The following SPTB variants were observed in gnomAD, a reference collection of about 807,000 sequenced individuals.
SPTB encodes spectrin beta, erythrocytic, also known as spectrin beta chain, erythrocytic.
SPTB carries 45 observed loss-of-function variants against 256.2 expected under a neutral mutation model. That is an observed-to-expected ratio of 0.18 (90% CI 0.14 to 0.23). SPTB has a LOEUF of 0.23. Among genes scored for constraint, SPTB ranks in the 10% least tolerant of loss-of-function variants. SPTB has a pLI of 1.00. For synonymous variants in SPTB, 1,231 were observed against 1,243.1 expected (o/e 0.99, Z 0.21); for missense variants, 2,715 against 3,040.4 (o/e 0.89, Z 2.52).
chr14:64,754,189 A>G lies in SPTB; in HGVS notation c.6346-396T>C, dbSNP rs147467878. On this transcript the variant is annotated intron_variant, in intron 32 of 35. Coordinates refer to ENST00000644917, the MANE Select transcript of SPTB (RefSeq NM_001355436.2). ...GCCCCTCCCCTTGCTGCAGCCAGAC[A>G]CTCGTATGAGGAAAGTTCTGCTGCT... The G allele has an allele frequency of 3.8e-3, 1,340 of 352,436 alleles. 15 individuals carry two copies. The highest frequency in any genetic ancestry group is 0.026 in the African/African-American group (1,227 of 47,810). The allele number at this position is 352,436 out of a possible 1,614,324, so 21.8% of individuals were successfully genotyped here.
intron 1 of SPTB, among the ~76,000 whole-genome samples, chr14:64,863,187 C>T (rs1012511874): frequency 6.6e-6 from 1 of 152,176 alleles, no homozygotes; most frequent in South Asian, 2.1e-4. Context: ...CTGGTCAAAA[C>T]CAATCTTGGC....
chr14:64,776,561 C>G (rs146581090), intron 22 of SPTB, among the ~76,000 whole-genome samples: 18 of 152,154 alleles, frequency 1.2e-4, no homozygotes, highest in Non-Finnish European at 2.5e-4. Flanking sequence ...CCACCTCAGC[C>G]TCCCAAGTAG....
intron 3 of SPTB, among the ~76,000 whole-genome samples, chr14:64,804,679 G>C (rs1292599337): frequency 6.6e-6 from 1 of 152,186 alleles, no homozygotes; most frequent in Non-Finnish European, 1.5e-5. Flanking sequence ...CAGATGCCCA[G>C]AGCCCAAAGT....
chr14:64,749,795 A>C lies in SPTB; in HGVS notation c.6777-99T>G. On this transcript the variant is annotated intron_variant, in intron 34 of 35. Transcript: ENST00000644917. The surrounding 1 kb of genome is among the most constrained non-coding windows in gnomAD (Gnocchi z 4.7). The stretch of plus-strand genomic sequence containing the variant: ...CCACAATACCCTGAGCCGAACATCC[A>C]GACCCCTCTCAGGCAGCCCAGCACT... 6.5e-7 allele frequency: 1 copy of C among 1,532,418 alleles called. No individual in the cohort carries two copies. The highest frequency in any genetic ancestry group is 8.9e-7 in the Non-Finnish European group (1 of 1,120,250). 94.9% of individuals were successfully genotyped at this position (1,532,418 alleles called of 1,614,324 possible). A position where few individuals can be genotyped will look rare whatever the true frequency, so the allele number is the denominator to read the frequency against.
intron 1 of SPTB, among the ~76,000 whole-genome samples, chr14:64,867,501 C>G (rs1278252322): frequency 6.6e-6 from 1 of 152,132 alleles, no homozygotes; most frequent in East Asian, 1.9e-4. Context: ...AAAGAAGTTT[C>G]AGGAGAGCTT....
chr14:64,777,867 A>G lies in SPTB; in HGVS notation c.4563+1290T>C, dbSNP rs1396047835. Among the ~76,000 whole-genome samples the G allele has an allele frequency of 6.6e-6, 1 of 152,084 alleles. No individual in the cohort carries two copies. The highest frequency in any genetic ancestry group is 1.5e-5 in the Non-Finnish European group (1 of 68,010). On this transcript the variant is annotated intron_variant, in intron 22 of 35. Coordinates refer to ENST00000644917, the MANE Select transcript of SPTB (RefSeq NM_001355436.2). The surrounding 1 kb of genome is among the most constrained non-coding windows in gnomAD (Gnocchi z 4.5). ...CTGCCTTTCCCTTCTTGGTTAGGGG[A>G]ACCCCATCCGTATTTGTCTTGCCCT...
chr14:64,777,009 G>A lies in SPTB; in HGVS notation c.4564-1606C>T, dbSNP rs1408211614. Among the ~76,000 whole-genome samples the A allele has an allele frequency of 1.3e-5, 2 of 152,172 alleles. No individual in the cohort carries two copies. The highest frequency in any genetic ancestry group is 2.9e-5 in the Non-Finnish European group (2 of 68,042). On this transcript the variant is annotated intron_variant, in intron 22 of 35. Transcript: ENST00000644917. The surrounding 1 kb of genome is among the most constrained non-coding windows in gnomAD (Gnocchi z 4.5). ...AACAAAGGCTGGGCCTTCCTCCCTG[G>A]GGGCTACGAGGAAAAGACAACAGTG...
chr14:64,750,926 CATTAT>C (rs1455690487), intron 33 of SPTB, among the ~76,000 whole-genome samples: 3 of 136,174 alleles, frequency 2.2e-5, no homozygotes, highest in Admixed American at 7.4e-5. Flanking sequence ...ATGTATATTA[CATTAT>C]ATATCATATA....
chr14:64,762,166 T>C (rs1041074272), intron 32 of SPTB, among the ~76,000 whole-genome samples: 3 of 152,190 alleles, frequency 2.0e-5, no homozygotes, highest in African/African-American at 7.2e-5. Context: ...GCATACTGGG[T>C]AGACAGGAAC....
chr14:64,879,145 C>T (rs949334608), intron 1 of SPTB, among the ~76,000 whole-genome samples: 1 of 152,184 alleles, frequency 6.6e-6, no homozygotes, highest in Non-Finnish European at 1.5e-5. Flanking sequence ...GAGAGGAACT[C>T]TTTGGGAGAG....
Position 64,784,397 on chromosome 14 carries a change from T to C in SPTB, c.3856-4A>G. 6.2e-7 allele frequency: 1 copy of C among 1,614,160 alleles called. No homozygotes were observed. The highest frequency in any genetic ancestry group is 8.5e-7 in the Non-Finnish European group (1 of 1,180,046). On this transcript the variant is annotated splice_region_variant and splice_polypyrimidine_tract_variant and intron_variant, in intron 18 of 35. Transcript: ENST00000644917. ...TGTCGTTGATCCAGAGAGTGAGCTG[T>C]GTGCATAAAGAGTGGGCTGACTATC...
chr14:64,780,079 C>A (rs1401488495), intron 20 of SPTB, 148 bp from the exon 21 acceptor site: 1 of 741,998 alleles, frequency 1.3e-6, no homozygotes, highest in Non-Finnish European at 2.4e-6. Flanking sequence ...TCCCAGTCAT[C>A]TTTCCCTCTT....
intron 1 of SPTB, among the ~76,000 whole-genome samples, chr14:64,854,717 G>C (rs2083844343): frequency 1.3e-5 from 2 of 151,962 alleles, no homozygotes; most frequent in Admixed American, 6.5e-5. Flanking sequence ...AACCACATGG[G>C]TGAGGGGAAG....
At chr14:64,794,025 T>C (rs1204341657) in intron 13 of SPTB, among the ~76,000 whole-genome samples, 158 bp from the exon 14 acceptor site, 1 of 152,144 alleles carries the variant, frequency 6.6e-6, no homozygotes, top group Non-Finnish European at 1.5e-5. Flanking sequence ...GCTCAGAGGG[T>C]GGACAGATTC....
rs1244452354 is a variant in SPTB, at chr14:64,796,084, TTC to T, written c.1342-447_1342-446del. On this transcript the variant is annotated intron_variant, in intron 11 of 35. Transcript: ENST00000644917. The surrounding 1 kb of genome is among the most constrained non-coding windows in gnomAD (Gnocchi z 4.1). ...GCTCTCAGAATACTTGTTGCCCCCT[TTC>T]TGGACAGAATCTAATTTGATTCCAA... Among the ~76,000 whole-genome samples, 1 of 152,178 alleles carries T rather than the reference TTC, an allele frequency of 6.6e-6. No homozygotes were observed. Among genetic ancestry groups the T allele is most frequent in the Non-Finnish European group, 1.5e-5 (1 of 68,034 alleles).
At chr14:64,762,424 T>A (rs2082108080) in intron 32 of SPTB, among the ~76,000 whole-genome samples, 24 of 152,202 alleles carry the variant, frequency 1.6e-4, no homozygotes, top group Admixed American at 1.6e-3. Flanking sequence ...CCAGGGAGGC[T>A]GCTGCTGGGG....
At chr14:64,805,220 A>G in intron 2 of SPTB, 130 bp from the exon 3 acceptor site, 1 of 994,900 alleles carries the variant, frequency 1.0e-6, no homozygotes, top group African/African-American at 1.6e-5. Context: ...TATTCATTCC[A>G]CTCCCTTCCT....
At chr14:64,780,261 G>C (rs2139535922) in intron 20 of SPTB, among the ~76,000 whole-genome samples, 1 of 152,274 alleles carries the variant, frequency 6.6e-6, no homozygotes, top group Admixed American at 6.5e-5. Context: ...AAAGAAATCA[G>C]AGAAGACACA....
intron 2 of SPTB, among the ~76,000 whole-genome samples, chr14:64,813,667 C>T (rs2083133768): frequency 6.6e-6 from 1 of 152,178 alleles, no homozygotes; most frequent in Non-Finnish European, 1.5e-5. Context: ...GGACTACAGG[C>T]AAGCGCCACC....
Sources: gnomAD v4.1 joint callset for allele counts (sites outside exome capture counted in the v4.1 genomes callset) on GRCh38, gnomAD v4.1.1 for gene constraint, Gnocchi (gnomAD v3.1) non-coding constraint, MANE v1.5 for transcripts, NCBI Gene and HGNC (gene_info 2026-07-23, HGNC 2026-07-21) for gene names.